Variants in CA6 observed in about 807,000 individuals in gnomAD.
CA6 encodes the protein carbonic anhydrase 6.
Under a neutral mutation model 35.9 loss-of-function variants are expected in CA6, and 28 were observed. The ratio of observed to expected loss-of-function variants is 0.78; its 90% CI spans 0.58 to 1.07. The LOEUF (loss-of-function observed/expected upper bound fraction) is 1.07, where lower values mean the gene tolerates loss of function less well. Ranked by LOEUF, CA6 falls within the 50% of genes least tolerant of loss-of-function variation. The probability of loss-of-function intolerance (pLI) is 0.00; values close to 1 mark genes in which losing one functional copy is unlikely to be tolerated. For missense variants in CA6, 377 were observed against 382.0 expected, an observed-to-expected ratio of 0.99 and a Z score of 0.11; for synonymous variants, 148 against 152.6, an observed-to-expected ratio of 0.97 and a Z score of 0.22.
rs59987426 is a variant in CA6 at position 8,960,789 on chromosome 1, C to CACACACAT, written c.501+1788_501+1789insCACACATA. On this transcript the variant is annotated intron_variant, in intron 4 of 7. Transcript: ENST00000377443. ...ACACACACACACACACACACACACA[C>CACACACAT]ATATATATAATGGGAGTCCCAGAAG... 9.7e-4 allele frequency among the ~76,000 whole-genome samples: 113 copies of CACACACAT among 116,968 alleles called. 1 individual carries two copies. The highest frequency in any genetic ancestry group is 2.0e-3 in the African/African-American group (59 of 30,034). The allele number at this position is 116,968 out of a possible 152,430, so 76.7% of individuals were successfully genotyped here.
At chr1:8,952,528 A>C (rs915481136) in intron 2 of CA6, 1 of 152,200 alleles carries the variant, frequency 6.6e-6, no homozygotes, top group South Asian at 2.1e-4. Context: ...CTCCAAGCAC[A>C]TTCAGGAATT....
chr1:8,958,862 T>C (rs1639759189), intron 3 of CA6, 48 bp from the exon 4 acceptor site: 3 of 1,017,692 alleles, frequency 2.9e-6, no homozygotes, highest in Non-Finnish European at 3.1e-6. Context: ...TCTTAAGCAT[T>C]TGAATTTCTA....
At chr1:8,954,986 G>T (rs1639634895) in intron 2 of CA6, among the ~76,000 whole-genome samples, 1 of 152,056 alleles carries the variant, frequency 6.6e-6, no homozygotes, top group South Asian at 2.1e-4. Context: ...TTTCTAAAAT[G>T]AACTCCCAAT....
At chr1:8,955,960 C>T (rs1371966264) in intron 2 of CA6, among the ~76,000 whole-genome samples, 7 of 152,190 alleles carry the variant, frequency 4.6e-5, no homozygotes, top group Non-Finnish European at 7.3e-5. Flanking sequence ...CAGTGGCTCG[C>T]GCCTATAATC....
In CA6 at chr1:8,963,207, C is replaced by T. The variant is rs551315172; in HGVS notation, c.571+551C>T. Among the ~76,000 whole-genome samples, 13 of 152,294 alleles carry T rather than the reference C, an allele frequency of 8.5e-5. No individual in the cohort carries two copies. The highest frequency in any genetic ancestry group is 1.3e-4 in the Non-Finnish European group (9 of 68,026). The stretch of plus-strand genomic sequence containing the variant: ...ACACGTCCCATTCCGGCCACACCTC[C>T]CAGCCTCCCAGTCCTCTGACTTCAG... On this transcript the variant is annotated intron_variant, in intron 5 of 7. Transcript: ENST00000377443. This position sits in a 1 kb window ranked among gnomAD's most constrained non-coding sequence, Gnocchi z 4.1.
At chr1:8,970,099 G>A (rs1640068493) in intron 6 of CA6, among the ~76,000 whole-genome samples, 1 of 151,602 alleles carries the variant, frequency 6.6e-6, no homozygotes, top group Non-Finnish European at 1.5e-5. Flanking sequence ...AGCTAGTCAG[G>A]AGGCTGAGGC....
chr1:8,972,670 G>C (rs1395242771), intron 7 of CA6, among the ~76,000 whole-genome samples: 3 of 152,050 alleles, frequency 2.0e-5, no homozygotes, highest in East Asian at 3.9e-4. Flanking sequence ...GCGACAGAGA[G>C]AGACTCTGTT....
At chr1:8,961,434 T>C (rs1639841611) in intron 4 of CA6, among the ~76,000 whole-genome samples, 1 of 152,158 alleles carries the variant, frequency 6.6e-6, no homozygotes, top group African/African-American at 2.4e-5. Context: ...GAGGATGAAA[T>C]AGAGCTCTTT....
At chr1:8,974,556 C>A (rs184099715) in intron 7 of CA6, 66 bp from the exon 8 acceptor site, 2 of 1,424,556 alleles carry the variant, frequency 1.4e-6, no homozygotes, top group Admixed American at 1.9e-5. Flanking sequence ...CTGGCCGTCC[C>A]CCTTCTCTGT....
At chr1:8,946,817 T>G (rs945364947) in intron 1 of CA6, among the ~76,000 whole-genome samples, 2 of 149,726 alleles carry the variant, frequency 1.3e-5, no homozygotes, top group Admixed American at 1.3e-4. Context: ...TTTTTTTTTT[T>G]TTTTGAGACA....
intron 7 of CA6, among the ~76,000 whole-genome samples, chr1:8,973,798 C>T (rs141646905): frequency 1.7e-5 from 2 of 119,740 alleles, no homozygotes; most frequent in Non-Finnish European, 3.6e-5. Flanking sequence ...TCCCTCCCTC[C>T]CTCTCTCTCT....
chr1:8,969,171 C>A (rs987494003), intron 6 of CA6, among the ~76,000 whole-genome samples: 1 of 151,900 alleles, frequency 6.6e-6, no homozygotes. Context: ...AAAAATTAGC[C>A]GGGCATAGTG....
chr1:8,952,205 T>G (rs979643683), intron 2 of CA6: 1 of 152,474 alleles, frequency 6.6e-6, no homozygotes, highest in Non-Finnish European at 1.5e-5. Flanking sequence ...GGCATGATCT[T>G]GGCTCACTGC....
At chr1:8,974,541 G>T in intron 7 of CA6, 81 bp from the exon 8 acceptor site, 1 of 1,394,652 alleles carries the variant, frequency 7.2e-7, no homozygotes, top group Non-Finnish European at 1.0e-6. Flanking sequence ...ATGCGGGTAT[G>T]GTGTCTGGCC....
At chr1:8,961,737 T>A (rs1156367807) in intron 4 of CA6, among the ~76,000 whole-genome samples, 1 of 152,204 alleles carries the variant, frequency 6.6e-6, no homozygotes, top group East Asian at 1.9e-4. Context: ...AAAAGAGCCA[T>A]TGAAAATAGA....
At chr1:8,971,829 G>C (rs772696052) in intron 7 of CA6, among the ~76,000 whole-genome samples, 40 of 152,328 alleles carry the variant, frequency 2.6e-4, no homozygotes, top group Non-Finnish European at 5.4e-4. Context: ...CCAGTTCCTT[G>C]GATCAGGCTC....
intron 3 of CA6, among the ~76,000 whole-genome samples, chr1:8,957,509 T>C (rs1422314808): frequency 6.6e-6 from 1 of 152,030 alleles, no homozygotes; most frequent in East Asian, 1.9e-4. Context: ...CCCTACTAAG[T>C]TTTGTATTTT....
chr1:8,954,331 A>C (rs1262476682), intron 2 of CA6, among the ~76,000 whole-genome samples: 1 of 152,126 alleles, frequency 6.6e-6, no homozygotes, highest in African/African-American at 2.4e-5. Context: ...TGCTCCATTA[A>C]GTTTTATAAT....
chr1:8,946,036 C>G, intron 1 of CA6, 71 bp downstream of exon 1: 1 of 904,674 alleles, frequency 1.1e-6, no homozygotes, highest in Non-Finnish European at 1.7e-6. Flanking sequence ...TGCCCTTCTT[C>G]TTCTTCTTTT....
Sources: gnomAD v4.1 joint callset for allele counts (sites outside exome capture counted in the v4.1 genomes callset) on GRCh38, gnomAD v4.1.1 for gene constraint, Gnocchi (gnomAD v3.1) non-coding constraint, MANE v1.5 for transcripts, NCBI Gene and HGNC (gene_info 2026-07-23, HGNC 2026-07-21) for gene names.